The following CCDC171 variants were observed in gnomAD, a reference collection of about 807,000 sequenced individuals.
The protein encoded by CCDC171 is coiled-coil domain-containing protein 171.
Under a neutral mutation model 168.2 loss-of-function variants are expected in CCDC171, and 177 were observed. The observed-to-expected ratio is 1.05, with a 90% CI of 0.93 to 1.19. The LOEUF is 1.19. Among genes scored for constraint, CCDC171 ranks in the 50% most tolerant of loss-of-function variants. The pLI, the probability that CCDC171 is intolerant of heterozygous loss-of-function variation, is 0.00. For synonymous variants in CCDC171, 687 were observed against 540.8 expected, an observed-to-expected ratio of 1.27 and a Z score of -3.75; for missense variants, 1,991 against 1,539.0, an observed-to-expected ratio of 1.29 and a Z score of -4.91.
Position 15,980,442 on chromosome 9 carries a change from T to C in CCDC171, n.369-40147T>C, listed in dbSNP as rs1441506341. On this transcript the variant is annotated intron_variant and non_coding_transcript_variant, in intron 3 of 9. Transcript: ENST00000486641. ...AAGGGGGTTCAGCAGATCTCCTCCCTCTCAGCACCCTCAGCATCCAAGTTC... is the reference window on the plus strand; with the variant it reads ...AAGGGGGTTCAGCAGATCTCCTCCCCCTCAGCACCCTCAGCATCCAAGTTC... Among the ~76,000 whole-genome samples the C allele has an allele frequency of 2.6e-5, 4 of 152,180 alleles. No individual in the cohort carries two copies. The East Asian group carries it at 7.7e-4, about 29-fold the overall frequency.
intron 21 of CCDC171, among the ~76,000 whole-genome samples, chr9:15,812,808 C>G (rs551595982): frequency 6.6e-6 from 1 of 152,256 alleles, no homozygotes; most frequent in East Asian, 1.9e-4. Flanking sequence ...CTTCCTTTCT[C>G]TGAATGGGAG....
intron 18 of CCDC171, among the ~76,000 whole-genome samples, chr9:15,770,698 T>C (rs1461612956): frequency 1.3e-5 from 2 of 152,202 alleles, no homozygotes; most frequent in South Asian, 2.1e-4. Context: ...AGCTATTCTA[T>C]AGCTAGCTGT....
At chr9:15,663,755 G>A (rs1411777254) in intron 8 of CCDC171, among the ~76,000 whole-genome samples, 1 of 151,688 alleles carries the variant, frequency 6.6e-6, no homozygotes, top group Non-Finnish European at 1.5e-5. Flanking sequence ...GCAGGCGCCC[G>A]CCACCACACC....
At chr9:15,632,794 A>C (rs556863296) in intron 7 of CCDC171, among the ~76,000 whole-genome samples, 7 of 152,366 alleles carry the variant, frequency 4.6e-5, no homozygotes, top group Non-Finnish European at 2.9e-5. Context: ...ACAGTAACCA[A>C]AACAGTATGG....
At chr9:15,859,637 TTTTTG>T (rs572230037) in intron 23 of CCDC171, among the ~76,000 whole-genome samples, 41 of 127,300 alleles carry the variant, frequency 3.2e-4, no homozygotes, top group East Asian at 5.5e-4. Flanking sequence ...CCCCCGAATC[TTTTTG>T]TTTTGTTTTG....
At chr9:15,751,252 A>T (rs955637833) in intron 18 of CCDC171, among the ~76,000 whole-genome samples, 1 of 152,218 alleles carries the variant, frequency 6.6e-6, no homozygotes, top group Non-Finnish European at 1.5e-5. Flanking sequence ...AAGGAGAACT[A>T]CAAACCACTG....
At chr9:15,811,450 GT>G (rs1287379874) in intron 21 of CCDC171, among the ~76,000 whole-genome samples, 1 of 152,050 alleles carries the variant, frequency 6.6e-6, no homozygotes, top group Non-Finnish European at 1.5e-5. Flanking sequence ...TTCTTGAGAT[GT>G]TTCATATTGT....
At chr9:15,807,258 C>T (rs904632942) in intron 21 of CCDC171, among the ~76,000 whole-genome samples, 3 of 152,174 alleles carry the variant, frequency 2.0e-5, no homozygotes, top group Admixed American at 6.5e-5. Flanking sequence ...TGTTGTAGAA[C>T]TAGTGTAGTC....
Position 15,666,096 on chromosome 9 carries a change from C to G in CCDC171, c.916-67C>G. 4 of 1,368,954 alleles carry G rather than the reference C, an allele frequency of 2.9e-6. No homozygotes were observed. The South Asian group carries it at 5.1e-5, about 17-fold the overall frequency. 84.8% of individuals were successfully genotyped at this position (1,368,954 alleles called of 1,614,324 possible). On this transcript the variant is annotated intron_variant, in intron 8 of 25. Coordinates refer to ENST00000380701, the MANE Select transcript of CCDC171 (RefSeq NM_173550.4). ...GATAATCTGTTACTGACAAAGTATT[C>G]TACTCAATTTAAGATTGATGCTAGC...
At chr9:15,737,126 C>A (rs1296658953) in intron 16 of CCDC171, among the ~76,000 whole-genome samples, 6 of 151,354 alleles carry the variant, frequency 4.0e-5, no homozygotes, top group Admixed American at 6.6e-5. Context: ...TCATAAATTG[C>A]TACTGTAGAT....
At chr9:15,619,536 G>C (rs80328039) in intron 6 of CCDC171, among the ~76,000 whole-genome samples, 8 of 152,160 alleles carry the variant, frequency 5.3e-5, no homozygotes, top group African/African-American at 1.9e-4. Flanking sequence ...AGAGAGGTGA[G>C]GAATTTGGAG....
intron 3 of CCDC171, among the ~76,000 whole-genome samples, chr9:16,019,527 G>A (rs1005459082): frequency 2.0e-5 from 3 of 152,132 alleles, no homozygotes; most frequent in Non-Finnish European, 2.9e-5. Context: ...TGAGCTGTGA[G>A]GGGAATCTGG....
intron 18 of CCDC171, among the ~76,000 whole-genome samples, chr9:15,749,080 C>G (rs538731727): frequency 6.6e-6 from 1 of 151,180 alleles, no homozygotes; most frequent in South Asian, 2.1e-4. Context: ...CCATCTCACA[C>G]GCAGAGATGC....
chr9:16,001,380 G>A (rs1482476652), intron 3 of CCDC171, among the ~76,000 whole-genome samples: 1 of 151,962 alleles, frequency 6.6e-6, no homozygotes, highest in African/African-American at 2.4e-5. Flanking sequence ...CCCAAGTAAG[G>A]AGGGTTTTCT....
chr9:15,697,018 T>G (rs2051269959), intron 11 of CCDC171, among the ~76,000 whole-genome samples: 1 of 152,190 alleles, frequency 6.6e-6, no homozygotes, highest in South Asian at 2.1e-4. Context: ...TGATCCATTC[T>G]CCTCTGTTCT....
At chr9:15,729,057 T>C (rs1027978008) in intron 15 of CCDC171, among the ~76,000 whole-genome samples, 1 of 152,124 alleles carries the variant, frequency 6.6e-6, no homozygotes, top group South Asian at 2.1e-4. Context: ...ATTTGAAAAT[T>C]AAAGATAATT....
chr9:15,622,840 G>A (rs2044610964), intron 6 of CCDC171, among the ~76,000 whole-genome samples: 1 of 152,040 alleles, frequency 6.6e-6, no homozygotes, highest in Non-Finnish European at 1.5e-5. Context: ...TTTAAGTACC[G>A]TGAGCTCATG....
At chr9:15,571,186 T>A (rs1313758255) in intron 2 of CCDC171, among the ~76,000 whole-genome samples, 3 of 152,232 alleles carry the variant, frequency 2.0e-5, no homozygotes, top group Admixed American at 1.3e-4. Context: ...TTCTGTTTGC[T>A]GTTATTTTAA....
chr9:16,004,185 A>C (rs1832635300), intron 3 of CCDC171, among the ~76,000 whole-genome samples: 1 of 151,096 alleles, frequency 6.6e-6, no homozygotes, highest in African/African-American at 2.4e-5. Flanking sequence ...TTGCCTTTCA[A>C]CACTGCACAT....
Sources: gnomAD v4.1 joint callset for allele counts (sites outside exome capture counted in the v4.1 genomes callset) on GRCh38, gnomAD v4.1.1 for gene constraint, MANE v1.5 for transcripts, NCBI Gene and HGNC (gene_info 2026-07-23, HGNC 2026-07-21) for gene names.